ADAMTS2: variants seen among roughly 807,000 people sequenced by gnomAD.
The protein encoded by ADAMTS2 is A disintegrin and metalloproteinase with thrombospondin motifs 2.
A neutral mutation model predicts 123.0 loss-of-function variants in ADAMTS2; 50 were observed. The ratio of observed to expected loss-of-function variants is 0.41; its 90% CI spans 0.32 to 0.51. The LOEUF (loss-of-function observed/expected upper bound fraction) is 0.51, where lower values mean the gene tolerates loss of function less well. Ranked by LOEUF, ADAMTS2 falls within the 20% of genes least tolerant of loss-of-function variation. The pLI, the probability that ADAMTS2 is intolerant of heterozygous loss-of-function variation, is 0.35. For missense variants in ADAMTS2, 1,494 were observed against 1,705.2 expected (o/e 0.88, Z 2.18); for synonymous variants, 678 against 695.4 (o/e 0.98, Z 0.39).
intron 2 of ADAMTS2, among the ~76,000 whole-genome samples, chr5:179,302,552 C>T (rs1286623229): frequency 2.0e-5 from 3 of 152,034 alleles, no homozygotes; most frequent in Admixed American, 6.6e-5. Flanking sequence ...CAACCTCCAC[C>T]TTGCCAGCAG....
intron 2 of ADAMTS2, among the ~76,000 whole-genome samples, chr5:179,341,586 G>A (rs946756494): frequency 1.3e-4 from 20 of 151,974 alleles, no homozygotes; most frequent in Admixed American, 2.0e-4. Context: ...GGTGGCAGGC[G>A]CCTGTAGTCC....
In ADAMTS2 at chr5:179,130,238, G is replaced by T; in HGVS notation, c.2291-140C>A. 1 of 1,025,798 alleles carries T rather than the reference G, an allele frequency of 9.7e-7. No individual in the cohort carries two copies. The highest frequency in any genetic ancestry group is 1.5e-6 in the Non-Finnish European group (1 of 676,776). The allele number at this position is 1,025,798 out of a possible 1,614,324, so 63.5% of individuals were successfully genotyped here. ...GCTGCCCCCGGCCAGTTTCCTCTGTGCCACGACAGCCCAGATGGCTCTGGG... is the reference window on the plus strand; with the variant it reads ...GCTGCCCCCGGCCAGTTTCCTCTGTTCCACGACAGCCCAGATGGCTCTGGG... On this transcript the variant is annotated intron_variant, in intron 15 of 21. Coordinates refer to ENST00000251582, the MANE Select transcript of ADAMTS2 (RefSeq NM_014244.5). The surrounding 1 kb of genome is among the most constrained non-coding windows in gnomAD (Gnocchi z 4.3).
At position 179,128,682 on chromosome 5, in the gene ADAMTS2, T is replaced by A. The variant is rs963843679; in HGVS notation, c.2458-564A>T. 6.6e-6 allele frequency among the ~76,000 whole-genome samples: 1 copy of A among 152,238 alleles called. No individual in the cohort carries two copies. The highest frequency in any genetic ancestry group is 1.5e-5 in the Non-Finnish European group (1 of 68,046). On this transcript the variant is annotated intron_variant, in intron 16 of 21. Transcript: ENST00000251582. This position sits in a 1 kb window ranked among gnomAD's most constrained non-coding sequence, Gnocchi z 4.9. Reference sequence around the variant, plus strand: ...TACTGGGATTACAGGCATGAGCCACTGCGCCTGGCCTATGTGTGAGTCTGT... The same window carrying A: ...TACTGGGATTACAGGCATGAGCCACAGCGCCTGGCCTATGTGTGAGTCTGT...
At chr5:179,248,742 C>A (rs544679902) in intron 3 of ADAMTS2, among the ~76,000 whole-genome samples, 1 of 151,676 alleles carries the variant, frequency 6.6e-6, no homozygotes, top group Non-Finnish European at 1.5e-5. Flanking sequence ...ATCTATGAAG[C>A]AAAAACTGAC....
intron 5 of ADAMTS2, among the ~76,000 whole-genome samples, chr5:179,166,930 T>C (rs1763712495): frequency 6.6e-6 from 1 of 152,188 alleles, no homozygotes; most frequent in South Asian, 2.1e-4. Context: ...CCCCGGCTGC[T>C]GGGCGCTCAG....
intron 2 of ADAMTS2, among the ~76,000 whole-genome samples, chr5:179,316,139 G>A (rs1756993318): frequency 6.6e-6 from 1 of 152,210 alleles, no homozygotes; most frequent in African/African-American, 2.4e-5. Flanking sequence ...GGAGGCAGCA[G>A]GCAGACATCC....
chr5:179,262,465 G>T lies in ADAMTS2; in HGVS notation c.688+10446C>A, dbSNP rs1490267605. 6.6e-6 allele frequency among the ~76,000 whole-genome samples: 1 copy of T among 151,078 alleles called. No homozygotes were observed. The highest frequency in any genetic ancestry group is 6.6e-5 in the Admixed American group (1 of 15,190). ...AGGGAATGAATTCTCACCCCGTACC[G>T]TGACCGTCCCTTCAAAGCGATGAGT... On this transcript the variant is annotated intron_variant, in intron 3 of 21. Transcript: ENST00000251582. The surrounding 1 kb of genome is among the most constrained non-coding windows in gnomAD (Gnocchi z 5.9).
At chr5:179,268,867 TGTAC>T (rs1190853236) in intron 3 of ADAMTS2, among the ~76,000 whole-genome samples, 1 of 152,310 alleles carries the variant, frequency 6.6e-6, no homozygotes, top group Admixed American at 6.5e-5. Flanking sequence ...TGGCCAGCCT[TGTAC>T]GTGAGGGCCA....
At chr5:179,156,650 G>A (rs921849225) in intron 6 of ADAMTS2, among the ~76,000 whole-genome samples, 3 of 151,588 alleles carry the variant, frequency 2.0e-5, no homozygotes, top group African/African-American at 7.3e-5. Flanking sequence ...GAGCCACCGC[G>A]CCCCGTCTAC....
At chr5:179,142,162 T>G in intron 10 of ADAMTS2, among the ~76,000 whole-genome samples, 1 of 152,254 alleles carries the variant, frequency 6.6e-6, no homozygotes, top group Admixed American at 6.5e-5. Context: ...AGGATGTTCA[T>G]GTCTAAGGGC....
intron 2 of ADAMTS2, among the ~76,000 whole-genome samples, chr5:179,284,005 C>A (rs1755925223): frequency 6.7e-6 from 1 of 148,350 alleles, no homozygotes; most frequent in African/African-American, 2.5e-5. Context: ...AGACTCCAGC[C>A]TGGGAGACAG....
Position 179,155,874 on chromosome 5 carries a change from G to T in ADAMTS2, c.1133-955C>A, listed in dbSNP as rs60025060. ...CCCCACTGAGAGACCCTGAGGCCAC[G>T]CGTTCCACAGAGAAGGGAAGGAGGG... On this transcript the variant is annotated intron_variant, in intron 6 of 21. Coordinates refer to ENST00000251582, the MANE Select transcript of ADAMTS2 (RefSeq NM_014244.5). The surrounding 1 kb of genome is among the most constrained non-coding windows in gnomAD (Gnocchi z 5.1). Among the ~76,000 whole-genome samples the T allele has an allele frequency of 0.015, 2,358 of 152,152 alleles. 75 individuals carry two copies. Among genetic ancestry groups the T allele is most frequent in the African/African-American group, 0.054 (2,261 of 41,510 alleles).
At chr5:179,324,807 G>C (rs1757268295) in intron 2 of ADAMTS2, among the ~76,000 whole-genome samples, 1 of 152,236 alleles carries the variant, frequency 6.6e-6, no homozygotes, top group South Asian at 2.1e-4. Context: ...TCACGACATG[G>C]AACAGCTGTG....
At chr5:179,153,451 C>T (rs1554126026) in intron 9 of ADAMTS2, 40 bp downstream of exon 9, 2 of 1,602,104 alleles carry the variant, frequency 1.2e-6, no homozygotes, top group Non-Finnish European at 1.7e-6. Flanking sequence ...CGCCTCCCCC[C>T]AGACCTGGGA....
At chr5:179,199,606 C>G (rs570134305) in intron 4 of ADAMTS2, among the ~76,000 whole-genome samples, 1 of 152,164 alleles carries the variant, frequency 6.6e-6, no homozygotes, top group South Asian at 2.1e-4. Context: ...TCTCAGACCC[C>G]AGTGGGTGTG....
chr5:179,139,796 C>A, intron 11 of ADAMTS2, 94 bp downstream of exon 11: 1 of 1,569,962 alleles, frequency 6.4e-7, no homozygotes, highest in Non-Finnish European at 8.7e-7. Context: ...TGGTGTGCAG[C>A]CACAGGGCCC....
chr5:179,233,736 C>G (rs1164074435), intron 3 of ADAMTS2, among the ~76,000 whole-genome samples: 1 of 152,060 alleles, frequency 6.6e-6, no homozygotes, highest in Non-Finnish European at 1.5e-5. Flanking sequence ...AACAAAAAAA[C>G]AGAAACACAC....
intron 2 of ADAMTS2, among the ~76,000 whole-genome samples, chr5:179,289,949 G>A (rs1382508594): frequency 6.6e-6 from 1 of 152,332 alleles, no homozygotes; most frequent in African/African-American, 2.4e-5. Flanking sequence ...GGGAGGAAAC[G>A]GGAGAGACAC....
intron 2 of ADAMTS2, among the ~76,000 whole-genome samples, chr5:179,280,576 T>C (rs1257147828): frequency 6.6e-6 from 1 of 152,192 alleles, no homozygotes; most frequent in Non-Finnish European, 1.5e-5. Flanking sequence ...AACCCACTCC[T>C]GTAAAATAAA....
Sources: allele counts gnomAD v4.1 joint callset (sites outside exome capture counted in the v4.1 genomes callset), GRCh38; gene constraint gnomAD v4.1.1; non-coding constraint Gnocchi (gnomAD v3.1); transcripts MANE v1.5; gene names NCBI Gene and HGNC (gene_info 2026-07-23, HGNC 2026-07-21).